The following CNTNAP2 variants were observed in gnomAD, a reference collection of about 807,000 sequenced individuals.
CNTNAP2 encodes the protein contactin-associated protein-like 2.
CNTNAP2 carries 98 observed loss-of-function variants against 155.2 expected under a neutral mutation model. The ratio of observed to expected loss-of-function variants is 0.63; its 90% confidence interval spans 0.54 to 0.75. CNTNAP2 has a LOEUF of 0.75. Ranked by LOEUF, CNTNAP2 falls within the 30% of genes least tolerant of loss-of-function variation. CNTNAP2 has a pLI of 0.00. For synonymous variants in CNTNAP2, 651 were observed against 631.2 expected, an observed-to-expected ratio of 1.03 and a Z score of -0.47; for missense variants, 1,727 against 1,688.1, an observed-to-expected ratio of 1.02 and a Z score of -0.40.
intron 12 of CNTNAP2, among the ~76,000 whole-genome samples, chr7:147,583,825 T>C (rs1800565015): frequency 6.6e-6 from 1 of 152,084 alleles, no homozygotes; most frequent in Non-Finnish European, 1.5e-5. Context: ...TTTTTCACAA[T>C]TTCAACATCT....
chr7:147,640,301 A>C (rs2116926091), intron 13 of CNTNAP2, among the ~76,000 whole-genome samples: 1 of 152,258 alleles, frequency 6.6e-6, no homozygotes, highest in South Asian at 2.1e-4. Flanking sequence ...ATTGCTATTA[A>C]CCGTAGTCAC....
chr7:147,529,523 A>C (rs1799390789), intron 11 of CNTNAP2, among the ~76,000 whole-genome samples: 1 of 152,006 alleles, frequency 6.6e-6, no homozygotes, highest in Admixed American at 6.6e-5. Flanking sequence ...CTATTTCCAG[A>C]GCAAAGTAAC....
chr7:147,386,869 G>A (rs1401611841), intron 9 of CNTNAP2, among the ~76,000 whole-genome samples: 16 of 152,096 alleles, frequency 1.1e-4, no homozygotes, highest in East Asian at 7.7e-4. Flanking sequence ...AAACATACTC[G>A]AGACTGGGCA....
At chr7:147,739,686 A>G (rs370707667) in intron 13 of CNTNAP2, among the ~76,000 whole-genome samples, 3 of 152,208 alleles carry the variant, frequency 2.0e-5, no homozygotes, top group African/African-American at 7.2e-5. Flanking sequence ...AAATGTGGAT[A>G]GTGTGTGTTC....
intron 1 of CNTNAP2, among the ~76,000 whole-genome samples, chr7:146,633,833 A>G (rs1186585220): frequency 1.5e-4 from 5 of 32,800 alleles, no homozygotes; most frequent in East Asian, 3.1e-4. Context: ...GCATCTAGAG[A>G]AAAAAAAAAA....
intron 1 of CNTNAP2, among the ~76,000 whole-genome samples, chr7:146,578,366 T>C (rs1213412827): frequency 1.3e-5 from 2 of 152,152 alleles, no homozygotes; most frequent in East Asian, 1.9e-4. Context: ...TATTATACAA[T>C]GTCTGTTGCT....
intron 1 of CNTNAP2, among the ~76,000 whole-genome samples, chr7:146,251,532 T>G (rs1399544627): frequency 2.6e-5 from 4 of 152,210 alleles, no homozygotes; most frequent in African/African-American, 9.6e-5. Context: ...AAGACTGATA[T>G]TCTAAGTTGC....
At chr7:146,995,478 C>T (rs1026339728) in intron 3 of CNTNAP2, among the ~76,000 whole-genome samples, 3 of 151,954 alleles carry the variant, frequency 2.0e-5, no homozygotes, top group Non-Finnish European at 4.4e-5. Flanking sequence ...CTGTTTTCTC[C>T]ACATCCTTGC....
At chr7:146,135,537 G>A (rs1797784916) in intron 1 of CNTNAP2, among the ~76,000 whole-genome samples, 2 of 152,082 alleles carry the variant, frequency 1.3e-5, no homozygotes, top group African/African-American at 4.8e-5. Context: ...TCTAACTGGA[G>A]ATTTGGAATA....
chr7:148,413,821 G>A (rs1563079728), intron 23 of CNTNAP2, among the ~76,000 whole-genome samples: 1 of 114,814 alleles, frequency 8.7e-6, no homozygotes, highest in Non-Finnish European at 1.9e-5. Context: ...ATTATGAAAT[G>A]TTCTTCATTT....
intron 1 of CNTNAP2, among the ~76,000 whole-genome samples, chr7:146,232,207 A>G (rs1389361256): frequency 4.6e-5 from 7 of 150,798 alleles, no homozygotes; most frequent in Admixed American, 4.6e-4. Flanking sequence ...TAAGCTTGTT[A>G]TGTATATAAA....
intron 1 of CNTNAP2, among the ~76,000 whole-genome samples, chr7:146,415,958 A>G (rs1526160): frequency 0.036 from 5,404 of 152,088 alleles, 339 homozygotes; most frequent in African/African-American, 0.12. Flanking sequence ...ATCCAATTGT[A>G]TTTTAAAGAG....
At chr7:147,570,424 T>C (rs1800265343) in intron 12 of CNTNAP2, among the ~76,000 whole-genome samples, 1 of 152,220 alleles carries the variant, frequency 6.6e-6, no homozygotes, top group Non-Finnish European at 1.5e-5. Flanking sequence ...AATCTTAGGC[T>C]TTACTGTTAA....
chr7:146,720,770 A>T (rs1433301192), intron 1 of CNTNAP2, among the ~76,000 whole-genome samples: 3 of 151,188 alleles, frequency 2.0e-5, no homozygotes, highest in Non-Finnish European at 4.4e-5. Flanking sequence ...ACTATTATAG[A>T]CTATGTAGAG....
intron 9 of CNTNAP2, among the ~76,000 whole-genome samples, chr7:147,301,588 CTCTCTGTGTG>C (rs1371526864): frequency 5.5e-3 from 332 of 60,642 alleles, no homozygotes; most frequent in Middle Eastern, 0.028. Flanking sequence ...CTCTCTCTCT[CTCTCTGTGTG>C]TGTGTGTGTG....
intron 2 of CNTNAP2, among the ~76,000 whole-genome samples, chr7:146,802,915 A>G (rs1030303752): frequency 4.6e-5 from 7 of 152,204 alleles, no homozygotes; most frequent in Non-Finnish European, 1.0e-4. Flanking sequence ...AGTAAGAGAT[A>G]TACTCTGAAG....
intron 1 of CNTNAP2, among the ~76,000 whole-genome samples, chr7:146,722,647 C>T (rs966316472): frequency 6.6e-6 from 1 of 151,912 alleles, no homozygotes. Flanking sequence ...AAACACTAGG[C>T]ATTATGCCAA....
chr7:147,479,096 T>G (rs4725734), intron 10 of CNTNAP2, among the ~76,000 whole-genome samples: 86 of 152,174 alleles, frequency 5.7e-4, no homozygotes, highest in African/African-American at 2.0e-3. Context: ...ACTCACTGAT[T>G]TATTACTTCA....
intron 13 of CNTNAP2, among the ~76,000 whole-genome samples, chr7:147,900,241 T>C (rs1279326046): frequency 6.6e-6 from 1 of 152,166 alleles, no homozygotes; most frequent in Non-Finnish European, 1.5e-5. Context: ...CACCCAAATC[T>C]CATATTGAAT....
Sources: gnomAD v4.1 joint callset for allele counts (sites outside exome capture counted in the v4.1 genomes callset) on GRCh38, gnomAD v4.1.1 for gene constraint, MANE v1.5 for transcripts, NCBI Gene and HGNC (gene_info 2026-07-23, HGNC 2026-07-21) for gene names.